The following ZNG1C variants were observed in gnomAD, a reference collection of about 807,000 sequenced individuals.
ZNG1C encodes zinc-regulated GTPase metalloprotein activator 1C.
At chr9:68,275,463 T>C in the ZNG1C span, among the ~76,000 whole-genome samples, 2 of 145,868 alleles carry the variant, frequency 1.4e-5, no homozygotes, top group African/African-American at 2.5e-5. Flanking sequence ...CTCCCAATGC[T>C]ATCCCTCCCC....
At chr9:68,299,118 T>G in the ZNG1C span, 1 of 1,608,374 alleles carries the variant, frequency 6.2e-7, no homozygotes, top group East Asian at 2.2e-5. Context: ...ATTCACAGTT[T>G]TGAAACAAAG....
At chr9:68,246,838 G>GTTT in the ZNG1C span, among the ~76,000 whole-genome samples, 1 of 88,358 alleles carries the variant, frequency 1.1e-5, no homozygotes, top group Non-Finnish European at 2.2e-5. Flanking sequence ...AAAAGTTTAG[G>GTTT]TTTTTTTTTT....
the ZNG1C span, chr9:68,286,184 CTT>C: frequency 9.0e-6 from 2 of 222,148 alleles, no homozygotes; most frequent in African/African-American, 1.4e-4. Flanking sequence ...TTTTTGGAAT[CTT>C]AAATGCTTTT....
the ZNG1C span, among the ~76,000 whole-genome samples, chr9:68,276,618 T>C: frequency 2.1e-5 from 3 of 144,048 alleles, no homozygotes; most frequent in Non-Finnish European, 4.6e-5. Context: ...TAGTTGTAGA[T>C]ATGCGGCGTT....
chr9:68,299,262 G>A, the ZNG1C span: 9 of 1,515,394 alleles, frequency 5.9e-6, no homozygotes, highest in African/African-American at 1.3e-4. Context: ...AAGCTTGTTA[G>A]GACTTTTGTT....
chr9:68,247,053 C>T, the ZNG1C span, among the ~76,000 whole-genome samples: 21 of 151,652 alleles, frequency 1.4e-4, no homozygotes, highest in African/African-American at 4.4e-4. Context: ...AGGGTGGTCT[C>T]GATCTCCTGA....
At chr9:68,244,274 C>CTG in the ZNG1C span, among the ~76,000 whole-genome samples, 2 of 93,912 alleles carry the variant, frequency 2.1e-5, no homozygotes, top group African/African-American at 4.1e-5. Context: ...TTCAGGGCCT[C>CTG]TGTCTCAGGC....
chr9:68,274,170 T>A, the ZNG1C span: 2 of 151,368 alleles, frequency 1.3e-5, no homozygotes, highest in African/African-American at 4.8e-5. Context: ...GGGCTTATGT[T>A]AAAATTATAA....
the ZNG1C span, among the ~76,000 whole-genome samples, chr9:68,284,931 T>A: frequency 6.6e-6 from 1 of 150,770 alleles, no homozygotes; most frequent in Non-Finnish European, 1.5e-5. Flanking sequence ...CGTATGAAGT[T>A]TTAGGCAGTC....
chr9:68,247,549 T>A, the ZNG1C span: 1 of 817,560 alleles, frequency 1.2e-6, no homozygotes, highest in Admixed American at 2.9e-5. Flanking sequence ...TGAGTTATCC[T>A]CATCTTTGTT....
the ZNG1C span, among the ~76,000 whole-genome samples, chr9:68,284,887 G>A: frequency 5.0e-5 from 7 of 138,702 alleles, no homozygotes; most frequent in Middle Eastern, 3.7e-3. Context: ...TTAAATGTTC[G>A]TTGTTAGATT....
At chr9:68,287,019 A>G in the ZNG1C span, among the ~76,000 whole-genome samples, 2 of 152,204 alleles carry the variant, frequency 1.3e-5, no homozygotes, top group Non-Finnish European at 2.9e-5. Context: ...CGTGATGCCA[A>G]GAATCATAGG....
the ZNG1C span, among the ~76,000 whole-genome samples, chr9:68,244,150 G>GT: frequency 6.7e-5 from 3 of 44,686 alleles, no homozygotes; most frequent in East Asian, 2.9e-4. Context: ...GTCTTAAAGT[G>GT]TTTTTTTTTT....
At chr9:68,294,067 C>A in the ZNG1C span, among the ~76,000 whole-genome samples, 1 of 152,034 alleles carries the variant, frequency 6.6e-6, no homozygotes, top group Non-Finnish European at 1.5e-5. Context: ...GAATAACCTG[C>A]TCCTGGATGA....
At chr9:68,259,797 C>T in the ZNG1C span, among the ~76,000 whole-genome samples, 97,062 of 144,296 alleles carry the variant, frequency 0.67, 30,285 homozygotes, top group Middle Eastern at 0.76. Flanking sequence ...AGGCATGAGC[C>T]ACCACGCCCT....
chr9:68,298,821 T>G, the ZNG1C span: 1 of 500,818 alleles, frequency 2.0e-6, no homozygotes, highest in South Asian at 2.6e-5. Context: ...CACAAATAAT[T>G]GGAATTAAGT....
At chr9:68,261,356 G>A in the ZNG1C span, among the ~76,000 whole-genome samples, 2 of 91,680 alleles carry the variant, frequency 2.2e-5, no homozygotes, top group Non-Finnish European at 4.0e-5. Context: ...ACACCCTATA[G>A]CCCTTCATGA....
chr9:68,296,605 G>A, the ZNG1C span, among the ~76,000 whole-genome samples: 1 of 152,260 alleles, frequency 6.6e-6, no homozygotes, highest in Non-Finnish European at 1.5e-5. Context: ...AAAATTGCTA[G>A]GCCAGATACG....
At chr9:68,264,855 A>G in the ZNG1C span, among the ~76,000 whole-genome samples, 852 of 72,090 alleles carry the variant, frequency 0.012, 46 homozygotes, top group African/African-American at 0.036. Flanking sequence ...ATATATATAT[A>G]TGTATAATAA....
Sources: gnomAD v4.1 joint callset for allele counts (sites outside exome capture counted in the v4.1 genomes callset) on GRCh38, gnomAD v4.1.1 for gene constraint, MANE v1.5 for transcripts, NCBI Gene and HGNC (gene_info 2026-07-23, HGNC 2026-07-21) for gene names.